RTTN: variants seen among roughly 807,000 people sequenced by gnomAD.
RTTN encodes rotatin.
A neutral mutation model predicts 269.2 loss-of-function variants in RTTN; 182 were observed. The observed-to-expected ratio is 0.68, with a 90% CI of 0.60 to 0.76. The LOEUF (loss-of-function observed/expected upper bound fraction) is 0.76. RTTN is among the 30% of genes least tolerant of loss of function. RTTN has a pLI of 0.00. For synonymous variants in RTTN, 1,006 were observed against 963.5 expected, an observed-to-expected ratio of 1.04 and a Z score of -0.82; for missense variants, 2,545 against 2,608.6, an observed-to-expected ratio of 0.98 and a Z score of 0.53.
Position 70,020,703 on chromosome 18 carries a change from G to A in RTTN, c.6065C>T (p.Pro2022Leu). The change falls in exon 45 of 49, where the codon CCA becomes CTA. Residue 2022 changes from proline to leucine, a missense_variant. Transcript: ENST00000640769. ...LCILKLASQMPLENTTVQQMV... is the reference protein window; with the variant it reads ...LCILKLASQMLLENTTVQQMV... ...CTGCTGAACCGTGGTGTTCTCCAGT[G>A]GCATCTGGGAAGCCAACTTTAGGAT... 2 of 1,614,034 alleles carry A rather than the reference G, an allele frequency of 1.2e-6. No homozygotes were observed. Among genetic ancestry groups the A allele is most frequent in the Non-Finnish European group, 1.7e-6 (2 of 1,179,936 alleles).
intron 46 of RTTN, among the ~76,000 whole-genome samples, chr18:70,016,543 A>G (rs980978695): frequency 2.0e-5 from 3 of 152,294 alleles, no homozygotes; most frequent in African/African-American, 7.2e-5. Context: ...TCACTAGAAC[A>G]CATGTCTTTT....
intron 40 of RTTN, 49 bp from the exon 41 acceptor site, chr18:70,031,030 G>A: frequency 1.5e-6 from 2 of 1,305,154 alleles, no homozygotes; most frequent in Non-Finnish European, 2.2e-6. Context: ...TTAATCTGGA[G>A]CAAAACTGTT....
intron 9 of RTTN, among the ~76,000 whole-genome samples, chr18:70,188,888 T>G (rs1366631889): frequency 1.3e-5 from 2 of 152,124 alleles, no homozygotes; most frequent in African/African-American, 4.8e-5. Flanking sequence ...AAGGTTAAGT[T>G]CTAATGAATC....
chr18:70,096,355 T>C (rs561269810), intron 28 of RTTN, among the ~76,000 whole-genome samples: 2 of 152,354 alleles, frequency 1.3e-5, no homozygotes, highest in South Asian at 2.1e-4. Flanking sequence ...CAAGGAGTTG[T>C]GATCCTTTGG....
intron 10 of RTTN, among the ~76,000 whole-genome samples, chr18:70,182,829 A>G (rs1459770816): frequency 6.6e-6 from 1 of 152,196 alleles, no homozygotes. Flanking sequence ...AAAAAAAACA[A>G]AATTTAATTC....
rs2059898001 is a variant in RTTN at position 70,127,598 on chromosome 18, C to A, written c.3287G>T (p.Ser1096Ile). 6.2e-7 allele frequency: 1 copy of A among 1,613,552 alleles called. No individual in the cohort carries two copies. The highest frequency in any genetic ancestry group is 2.2e-5 in the East Asian group (1 of 44,864). Reference sequence around the variant, plus strand: ...CAATCTGTCATTCAGAAGATAAAAACTCATCCTGGTGACAGCAGCCCTAAC... The same window carrying A: ...CAATCTGTCATTCAGAAGATAAAAAATCATCCTGGTGACAGCAGCCCTAAC... Reference protein sequence around the residue: ...REVRAAVTRMSFYLLNDRLSL... With the variant: ...REVRAAVTRMIFYLLNDRLSL... The change falls in exon 25 of 49, where the codon AGT (serine) becomes ATT (isoleucine). Residue 1096 changes from serine to isoleucine, a missense_variant. Physicochemically the swap from Ser to Ile is moderately radical, Grantham distance 142. Coordinates refer to ENST00000640769, the MANE Select transcript of RTTN (RefSeq NM_173630.4).
At chr18:70,193,253 T>G (rs368697203) in intron 8 of RTTN, 35 bp downstream of exon 8, 39 of 1,553,790 alleles carry the variant, frequency 2.5e-5, no homozygotes, top group Non-Finnish European at 3.2e-5. Context: ...TTAACCGGCA[T>G]TTCTCATTTC....
At chr18:70,094,001 A>G (rs1008582116) in intron 28 of RTTN, among the ~76,000 whole-genome samples, 9 of 152,184 alleles carry the variant, frequency 5.9e-5, no homozygotes, top group Non-Finnish European at 1.0e-4. Flanking sequence ...CAGGAATTCA[A>G]CTTCTTCCTG....
intron 35 of RTTN, among the ~76,000 whole-genome samples, chr18:70,062,626 T>TTTTTTTTGAAGATA (rs2058023117): frequency 7.8e-6 from 1 of 128,852 alleles, no homozygotes. Flanking sequence ...TTTTTTTTTT[T>TTTTTTTTGAAGATA]TCGTTTTTGG....
chr18:70,086,231 C>T lies in RTTN; in HGVS notation c.4374+382G>A, dbSNP rs911221306. On this transcript the variant is annotated intron_variant, in intron 32 of 48. Coordinates refer to ENST00000640769, the MANE Select transcript of RTTN (RefSeq NM_173630.4). ...AGACTGCCTAGACTCAAAGCAAAGGCGTACCACTGACTAGCTGTGTGATTT... is the reference window on the plus strand; with the variant it reads ...AGACTGCCTAGACTCAAAGCAAAGGTGTACCACTGACTAGCTGTGTGATTT... 5.9e-5 allele frequency among the ~76,000 whole-genome samples: 9 copies of T among 152,184 alleles called. No homozygotes were observed. In the South Asian group the frequency reaches 1.5e-3, roughly 25 times the overall value.
intron 8 of RTTN, among the ~76,000 whole-genome samples, chr18:70,192,101 A>C (rs1310091721): frequency 6.6e-6 from 1 of 152,202 alleles, no homozygotes; most frequent in Non-Finnish European, 1.5e-5. Flanking sequence ...TGCTATATAT[A>C]ATATCAATCC....
intron 14 of RTTN, among the ~76,000 whole-genome samples, chr18:70,156,653 A>T (rs1015763725): frequency 1.3e-5 from 2 of 152,096 alleles, no homozygotes; most frequent in Non-Finnish European, 2.9e-5. Context: ...CACGGAACCC[A>T]CCGACATGTG....
At chr18:70,194,184 T>C (rs2061747816) in intron 7 of RTTN, 1 of 152,222 alleles carries the variant, frequency 6.6e-6, no homozygotes, top group Non-Finnish European at 1.5e-5. Flanking sequence ...TAAAAAGTTA[T>C]TAGAGATTCA....
chr18:70,085,817 T>A (rs929956593), intron 32 of RTTN, among the ~76,000 whole-genome samples: 2 of 151,992 alleles, frequency 1.3e-5, no homozygotes, highest in African/African-American at 2.4e-5. Flanking sequence ...ACACTGAGAC[T>A]CCCAAGGAGG....
Position 70,071,501 on chromosome 18 carries a change from C to A in RTTN, c.4653+2405G>T, listed in dbSNP as rs970707074. 3.9e-5 allele frequency among the ~76,000 whole-genome samples: 6 copies of A among 152,128 alleles called. No individual in the cohort carries two copies. In the East Asian group the frequency reaches 1.2e-3, roughly 29 times the overall value. On this transcript the variant is annotated intron_variant, in intron 34 of 48. Coordinates refer to ENST00000640769, the MANE Select transcript of RTTN (RefSeq NM_173630.4). ...GTGTGTAAGAGGCACAAACAGCTAT[C>A]CATCTTGGATATAAACGTGATTTCG...
intron 34 of RTTN, among the ~76,000 whole-genome samples, chr18:70,069,593 T>C (rs1435700087): frequency 1.3e-5 from 2 of 152,200 alleles, no homozygotes; most frequent in Non-Finnish European, 2.9e-5. Flanking sequence ...TAAGCAAAAA[T>C]GCATCAATGT....
chr18:70,133,785 A>G (rs969672450), intron 23 of RTTN, among the ~76,000 whole-genome samples: 1 of 152,162 alleles, frequency 6.6e-6, no homozygotes, highest in Admixed American at 6.6e-5. Context: ...TGTGAGATAA[A>G]TAAGTACGTT....
intron 28 of RTTN, among the ~76,000 whole-genome samples, chr18:70,097,057 A>G (rs534362943): frequency 9.2e-5 from 14 of 152,336 alleles, no homozygotes; most frequent in South Asian, 6.2e-4. Context: ...CTTATAAATG[A>G]CAAGCCAAGA....
intron 11 of RTTN, among the ~76,000 whole-genome samples, chr18:70,174,574 A>G (rs2061237560): frequency 6.6e-6 from 1 of 152,128 alleles, no homozygotes; most frequent in South Asian, 2.1e-4. Flanking sequence ...CAAAAAAAGA[A>G]AAAAAGAAAC....
Sources: gnomAD v4.1 joint callset for allele counts (sites outside exome capture counted in the v4.1 genomes callset) on GRCh38, gnomAD v4.1.1 for gene constraint, MANE v1.5 for transcripts, NCBI Gene and HGNC (gene_info 2026-07-23, HGNC 2026-07-21) for gene names.